The following FBXO16 variants were observed in gnomAD, a reference collection of about 807,000 sequenced individuals.
FBXO16 encodes the protein F-box protein 16, also known as F-box only protein 16.
Under a neutral mutation model 41.0 loss-of-function variants are expected in FBXO16, and 31 were observed. The ratio of observed to expected loss-of-function variants is 0.76; its 90% CI spans 0.57 to 1.02. The LOEUF is 1.02. FBXO16 is among the 50% of genes least tolerant of loss of function. The pLI, the probability that FBXO16 is intolerant of heterozygous loss-of-function variation, is 0.00. For synonymous variants in FBXO16, 133 were observed against 117.8 expected (o/e 1.13, Z -0.84); for missense variants, 361 against 346.2 (o/e 1.04, Z -0.34).
chr8:28,435,793 T>C (rs949607318), intron 7 of FBXO16, among the ~76,000 whole-genome samples: 2 of 152,144 alleles, frequency 1.3e-5, no homozygotes, highest in African/African-American at 4.8e-5. Flanking sequence ...AGATTCTCAA[T>C]TGGTCTGTGG....
At chr8:28,441,116 C>T (rs6981853) in intron 7 of FBXO16, among the ~76,000 whole-genome samples, 3,119 of 152,188 alleles carry the variant, frequency 0.02, 102 homozygotes, top group African/African-American at 0.068. Flanking sequence ...ATCCCAGTAA[C>T]GGCAAACAGG....
At chr8:28,454,037 A>C (rs1802997129) in intron 5 of FBXO16, among the ~76,000 whole-genome samples, 1 of 151,862 alleles carries the variant, frequency 6.6e-6, no homozygotes, top group Non-Finnish European at 1.5e-5. Context: ...GTGGTGGCGC[A>C]TGCCTGTAAT....
At chr8:28,445,847 G>T (rs762285582) in intron 7 of FBXO16, among the ~76,000 whole-genome samples, 150 of 152,240 alleles carry the variant, frequency 9.9e-4, no homozygotes, top group South Asian at 3.1e-3. Context: ...TTATTCCTGA[G>T]TACGTACTTA....
At chr8:28,471,805 CAAAAA>C (rs557259701) in intron 3 of FBXO16, among the ~76,000 whole-genome samples, 22 of 23,748 alleles carry the variant, frequency 9.3e-4, no homozygotes, top group East Asian at 2.0e-3. Flanking sequence ...CAGAGAATCT[CAAAAA>C]AAAAAAAAAA....
At chr8:28,464,014 T>C (rs969602581) in intron 3 of FBXO16, among the ~76,000 whole-genome samples, 196 bp from the exon 4 acceptor site, 1 of 152,212 alleles carries the variant, frequency 6.6e-6, no homozygotes, top group Non-Finnish European at 1.5e-5. Context: ...GTGCATGACC[T>C]AAGTGCGCAC....
intron 4 of FBXO16, among the ~76,000 whole-genome samples, 156 bp from the exon 5 acceptor site, chr8:28,457,086 A>C (rs1331987036): frequency 6.6e-6 from 1 of 152,188 alleles, no homozygotes; most frequent in Non-Finnish European, 1.5e-5. Flanking sequence ...CTCCTACCTG[A>C]AGTGTTTCCT....
Position 28,452,309 on chromosome 8 carries a change from G to C in FBXO16, c.675C>G (p.His225Gln). 1.2e-6 allele frequency: 2 copies of C among 1,614,180 alleles called. No homozygotes were observed. Among genetic ancestry groups the C allele is most frequent in the Non-Finnish European group, 8.5e-7 (1 of 1,180,042 alleles). The part of the protein sequence containing the change: ...ALPPWRSSDK[H>Q]PTDIIRFNYL... ...AATTAAAACGAATGATATCTGTTGGGTGCTTATCAGAAGATCGCCAGGGTG... is the reference window on the plus strand; with the variant it reads ...AATTAAAACGAATGATATCTGTTGGCTGCTTATCAGAAGATCGCCAGGGTG... The change falls in exon 6 of 9, where the codon CAC becomes CAG. Residue 225 changes from histidine to glutamine, a missense_variant. Transcript: ENST00000380254.
At chr8:28,437,349 T>A (rs147596906) in intron 7 of FBXO16, among the ~76,000 whole-genome samples, 1 of 152,142 alleles carries the variant, frequency 6.6e-6, no homozygotes, top group South Asian at 2.1e-4. Flanking sequence ...ACAAGTAAAC[T>A]CGGCTCTCTT....
intron 7 of FBXO16, 127 bp from the exon 8 acceptor site, chr8:28,429,530 A>G (rs1209469443): frequency 9.7e-7 from 1 of 1,035,294 alleles, no homozygotes; most frequent in East Asian, 2.5e-5. Flanking sequence ...CCAACTGTGC[A>G]AGGAGAGACC....
At chr8:28,456,014 T>G (rs1400318800) in intron 5 of FBXO16, 5 of 152,192 alleles carry the variant, frequency 3.3e-5, no homozygotes, top group Non-Finnish European at 5.9e-5. Flanking sequence ...AAAAATCATT[T>G]TAAAAATTTA....
chr8:28,442,366 G>C (rs1214719157), intron 7 of FBXO16, among the ~76,000 whole-genome samples: 1 of 151,780 alleles, frequency 6.6e-6, no homozygotes, highest in Non-Finnish European at 1.5e-5. Flanking sequence ...TTAGCAATCA[G>C]GTCTAAGCTT....
chr8:28,440,568 C>G (rs554768324), intron 7 of FBXO16, among the ~76,000 whole-genome samples: 59 of 152,214 alleles, frequency 3.9e-4, no homozygotes, highest in Middle Eastern at 3.4e-3. Flanking sequence ...GGTTCCCCCC[C>G]ACCCCTTTTG....
At chr8:28,463,883 C>A in intron 3 of FBXO16, 65 bp from the exon 4 acceptor site, 4 of 1,444,142 alleles carry the variant, frequency 2.8e-6, no homozygotes, top group South Asian at 1.2e-5. Context: ...AGATTCATTA[C>A]GAGTAAGACA....
chr8:28,485,257 G>C (rs1210007681), intron 1 of FBXO16, among the ~76,000 whole-genome samples: 1 of 151,978 alleles, frequency 6.6e-6, no homozygotes, highest in African/African-American at 2.4e-5. Flanking sequence ...ACTGCAACCT[G>C]CACCTCCCAG....
intron 4 of FBXO16, among the ~76,000 whole-genome samples, chr8:28,459,975 G>A (rs1029929877): frequency 2.3e-4 from 35 of 151,650 alleles, no homozygotes; most frequent in African/African-American, 8.0e-4. Flanking sequence ...GCAGTGAGCC[G>A]AGATTGTGCC....
rs796398126 is a variant in FBXO16, at chr8:28,432,159, G to A, written c.844-2756C>T. Among the ~76,000 whole-genome samples, 37 of 151,918 alleles carry A rather than the reference G, an allele frequency of 2.4e-4. 1 individual carries two copies. The South Asian group carries it at 7.7e-3, about 32-fold the overall frequency. ...TGTGTGTGTGTGTGTGTGTGTGTGT[G>A]TGTGTGTGTGACTGTTACAAATCAA... On this transcript the variant is annotated intron_variant, in intron 7 of 8. Coordinates refer to ENST00000380254, the MANE Select transcript of FBXO16 (RefSeq NM_172366.4).
intron 7 of FBXO16, among the ~76,000 whole-genome samples, chr8:28,441,945 T>TGTGTG (rs1802786782): frequency 8.8e-6 from 1 of 113,602 alleles, no homozygotes; most frequent in African/African-American, 4.9e-5. Context: ...TGTGTGTGTG[T>TGTGTG]ATTTTTTTTT....
rs1388600381 is a variant in FBXO16 at position 28,448,167 on chromosome 8, C to T, written c.741-894G>A. ...CCCACCTGGGCAACATGGTGAGACC[C>T]TATCTCTACAAAAGATTAAAAAATT... On this transcript the variant is annotated intron_variant, in intron 6 of 8. Coordinates refer to ENST00000380254, the MANE Select transcript of FBXO16 (RefSeq NM_172366.4). 3.3e-5 allele frequency among the ~76,000 whole-genome samples: 5 copies of T among 151,696 alleles called. No homozygotes were observed. The East Asian group carries it at 9.7e-4, about 29-fold the overall frequency.
chr8:28,433,103 A>G (rs919722891), intron 7 of FBXO16, among the ~76,000 whole-genome samples: 1 of 131,258 alleles, frequency 7.6e-6, no homozygotes, highest in Non-Finnish European at 1.5e-5. Context: ...CAAACAAAAC[A>G]TAACAACAAC....
Sources: allele counts gnomAD v4.1 joint callset (sites outside exome capture counted in the v4.1 genomes callset), GRCh38; gene constraint gnomAD v4.1.1; transcripts MANE v1.5; gene names NCBI Gene and HGNC (gene_info 2026-07-23, HGNC 2026-07-21).